Variants in OXNAD1 observed in about 807,000 individuals in gnomAD.
The protein encoded by OXNAD1 is oxidoreductase NAD-binding domain-containing protein 1.
Under a neutral mutation model 32.9 loss-of-function variants are expected in OXNAD1, and 34 were observed. The ratio of observed to expected loss-of-function variants is 1.03; its 90% CI spans 0.79 to 1.38. The LOEUF (loss-of-function observed/expected upper bound fraction) is 1.38. Among genes scored for constraint, OXNAD1 ranks in the 40% most tolerant of loss-of-function variants. The pLI is 0.00. For synonymous variants in OXNAD1, 134 were observed against 135.2 expected (o/e 0.99, Z 0.06); for missense variants, 407 against 379.4 (o/e 1.07, Z -0.60).
downstream of OXNAD1, among the ~76,000 whole-genome samples, chr3:16,351,803 A>C (rs1304439226): frequency 6.6e-6 from 1 of 152,236 alleles, no homozygotes; most frequent in Non-Finnish European, 1.5e-5. This position sits in a 1 kb window ranked among gnomAD's most constrained non-coding sequence, Gnocchi z 5.4. Flanking sequence ...CCTTGAATAG[A>C]CTCAGCAAAG....
In OXNAD1 at chr3:16,287,160, C is replaced by G. The variant is rs1036057427; in HGVS notation, c.290+712C>G. On this transcript the variant is annotated intron_variant, in intron 5 of 8. Coordinates refer to ENST00000285083, the MANE Select transcript of OXNAD1 (RefSeq NM_138381.5). The surrounding 1 kb of genome is among the most constrained non-coding windows in gnomAD (Gnocchi z 4.8). ...ATTGTAAGGAAAGCAACTTGAATTT[C>G]CCTAGGAAAGGTGTGTTTGGGTGTG... is the stretch of plus-strand genomic sequence containing the variant. Among the ~76,000 whole-genome samples, 4 of 152,144 alleles carry G rather than the reference C, an allele frequency of 2.6e-5. No homozygotes were observed. Among genetic ancestry groups the G allele is most frequent in the African/African-American group, 9.7e-5 (4 of 41,420 alleles).
At chr3:16,286,210 T>A in intron 4 of OXNAD1, 132 bp from the exon 5 acceptor site, 1 of 675,580 alleles carries the variant, frequency 1.5e-6, no homozygotes, top group South Asian at 1.9e-5. Context: ...CAAAGTGTGT[T>A]TTACCTTGTT....
intron 9 of OXNAD1, among the ~76,000 whole-genome samples, chr3:16,311,399 C>A (rs1466880526): frequency 2.6e-5 from 4 of 152,070 alleles, no homozygotes; most frequent in African/African-American, 9.7e-5. Flanking sequence ...ACCATGTTGG[C>A]CAGGCTGGTC....
rs1039212939 is a variant in OXNAD1 at position 16,290,165 on chromosome 3, G to A, written c.290+3717G>A. ...GGATGTGGACATCCACTGCTTCACC[G>A]CGCACCTAGGCTCCTTCTGCATACA... On this transcript the variant is annotated intron_variant, in intron 5 of 8. Coordinates refer to ENST00000285083, the MANE Select transcript of OXNAD1 (RefSeq NM_138381.5). This position sits in a 1 kb window ranked among gnomAD's most constrained non-coding sequence, Gnocchi z 4.2. Among the ~76,000 whole-genome samples, 3 of 152,174 alleles carry A rather than the reference G, an allele frequency of 2.0e-5. No homozygotes were observed. Among genetic ancestry groups the A allele is most frequent in the Non-Finnish European group, 4.4e-5 (3 of 68,024 alleles).
Position 16,290,178 on chromosome 3 carries a change from CCTT to C in OXNAD1, c.290+3733_290+3735del, listed in dbSNP as rs2066335661. On this transcript the variant is annotated intron_variant, in intron 5 of 8. Transcript: ENST00000285083. This position sits in a 1 kb window ranked among gnomAD's most constrained non-coding sequence, Gnocchi z 4.2. ...CACTGCTTCACCGCGCACCTAGGCT[CCTT>C]CTGCATACACTCACTCATTGGGTAT... is the stretch of plus-strand genomic sequence containing the variant. Among the ~76,000 whole-genome samples the C allele has an allele frequency of 1.3e-5, 2 of 152,254 alleles. No individual in the cohort carries two copies. Among genetic ancestry groups the C allele is most frequent in the Admixed American group, 6.5e-5 (1 of 15,296 alleles).
In OXNAD1 at chr3:16,345,822, G is replaced by A. The variant is rs1331576374; in HGVS notation, c.*31-3354G>A. On this transcript the variant is annotated intron_variant, in intron 9 of 9. Coordinates refer to the OXNAD1 transcript ENST00000606098. This position sits in a 1 kb window ranked among gnomAD's most constrained non-coding sequence, Gnocchi z 5.2. The stretch of plus-strand genomic sequence containing the variant: ...TGTGTGTGTGTGTGTGTGTGTGCGC[G>A]CGCGCGTGCGCGCACGCGCACATGT... 1.5e-4 allele frequency among the ~76,000 whole-genome samples: 10 copies of A among 67,892 alleles called. No individual in the cohort carries two copies. Among genetic ancestry groups the A allele is most frequent in the Admixed American group, 8.2e-4 (7 of 8,538 alleles). The allele number at this position is 67,892 out of a possible 152,430, so 44.5% of individuals were successfully genotyped here. A position where few individuals can be genotyped will look rare whatever the true frequency, so the allele number is the denominator to read the frequency against.
In OXNAD1 at chr3:16,271,220, C is replaced by T. The variant is rs570680472; in HGVS notation, c.119+149C>T. On this transcript the variant is annotated intron_variant, in intron 3 of 8. Transcript: ENST00000285083. This position sits in a 1 kb window ranked among gnomAD's most constrained non-coding sequence, Gnocchi z 4.6. ...TCAGGTTGTTAACCGTTTTTTTTGT[C>T]TGAGATGGAGTCTTGCTCCGTCGCC... 208 of 960,738 alleles carry T rather than the reference C, an allele frequency of 2.2e-4. No individual in the cohort carries two copies. The African/African-American group carries it at 3.0e-3, about 14-fold the overall frequency. 59.5% of individuals were successfully genotyped at this position (960,738 alleles called of 1,614,324 possible).
chr3:16,278,640 T>A (rs1419314170), intron 4 of OXNAD1, among the ~76,000 whole-genome samples: 1 of 152,246 alleles, frequency 6.6e-6, no homozygotes, highest in Non-Finnish European at 1.5e-5. Context: ...GACTCAGTCC[T>A]TGAACTCAGA....
At position 16,271,010 on chromosome 3, in the gene OXNAD1, C is replaced by T. The variant is rs2064890083; in HGVS notation, c.58C>T (p.Arg20Cys). The change falls in exon 3 of 9, where the codon CGT (arginine) becomes TGT (cysteine). Residue 20 changes from arginine (R) to cysteine (C), a missense_variant. Arg to Cys is a radical substitution (Grantham distance 180). Coordinates refer to ENST00000285083, the MANE Select transcript of OXNAD1 (RefSeq NM_138381.5). The surrounding 1 kb of genome is among the most constrained non-coding windows in gnomAD (Gnocchi z 4.6). ...GLLRCSVGAI[R>C]IEAASLRLTL... is the part of the protein sequence containing the mutation. ...GTTGCGGTGCTCTGTTGGAGCCATCCGTATTGAGGCTGCGTCACTGAGATT... is the reference window on the plus strand; with the variant it reads ...GTTGCGGTGCTCTGTTGGAGCCATCTGTATTGAGGCTGCGTCACTGAGATT... The T allele has an allele frequency of 3.1e-6, 5 of 1,614,150 alleles. No individual in the cohort carries two copies. The highest frequency in any genetic ancestry group is 1.1e-5 in the South Asian group (1 of 91,086).
At chr3:16,342,011 A>G (rs1277270434), downstream of OXNAD1, among the ~76,000 whole-genome samples, 1 of 152,194 alleles carries the variant, frequency 6.6e-6, no homozygotes, top group East Asian at 1.9e-4. The surrounding 1 kb of genome is among the most constrained non-coding windows in gnomAD (Gnocchi z 4.0). Context: ...ATCTTTAATG[A>G]CCACTTGTCA....
chr3:16,296,064 A>C (rs992553023), intron 6 of OXNAD1, among the ~76,000 whole-genome samples: 1 of 152,206 alleles, frequency 6.6e-6, no homozygotes, highest in Non-Finnish European at 1.5e-5. Flanking sequence ...GAGGGTATGG[A>C]AACACAGTTG....
At position 16,271,299 on chromosome 3, in the gene OXNAD1, A is replaced by AT; in HGVS notation, c.119+230dup. The AT allele has an allele frequency of 1.8e-6, 1 of 566,378 alleles. No homozygotes were observed. Among genetic ancestry groups the AT allele is most frequent in the Non-Finnish European group, 3.1e-6 (1 of 324,812 alleles). 35.1% of individuals were successfully genotyped at this position (566,378 alleles called of 1,614,324 possible). A position where few individuals can be genotyped will look rare whatever the true frequency, so the allele number is the denominator to read the frequency against. On this transcript the variant is annotated intron_variant, in intron 3 of 8. Transcript: ENST00000285083. This position sits in a 1 kb window ranked among gnomAD's most constrained non-coding sequence, Gnocchi z 4.6. ...GCTCACTGCAACCTCCACCTCCTGG[A>AT]TTCAAGTGATTCTCCTGTCTTAGCC...
At position 16,322,818 on chromosome 3, in the gene OXNAD1, TGAG is replaced by T. The variant is rs2069229696; in HGVS notation, c.*31-14291_*31-14289del. Among the ~76,000 whole-genome samples, 1 of 152,110 alleles carries T rather than the reference TGAG, an allele frequency of 6.6e-6. No individual in the cohort carries two copies. Among genetic ancestry groups the T allele is most frequent in the Non-Finnish European group, 1.5e-5 (1 of 68,002 alleles). On this transcript the variant is annotated intron_variant, in intron 9 of 9. Coordinates refer to the OXNAD1 transcript ENST00000435829. The surrounding 1 kb of genome is among the most constrained non-coding windows in gnomAD (Gnocchi z 6.2). Reference sequence around the variant, plus strand: ...GGGGAAAAGGGCCCTGGGGATCTCTTGAGGACAGCCTGGCCTGAGGACTTGCTG... The same window carrying T: ...GGGGAAAAGGGCCCTGGGGATCTCTTGACAGCCTGGCCTGAGGACTTGCTG...
rs766171014 is a variant in OXNAD1 at position 16,335,868 on chromosome 3, G to A, written c.*31-1244G>A. ...AGCCTGGAAACTGGATGGATGGATGGTGAGGTCTCAGGAGGCCACAGGCAG... is the reference window on the plus strand; with the variant it reads ...AGCCTGGAAACTGGATGGATGGATGATGAGGTCTCAGGAGGCCACAGGCAG... On this transcript the variant is annotated intron_variant, in intron 9 of 9. Transcript: ENST00000435829. The surrounding 1 kb of genome is among the most constrained non-coding windows in gnomAD (Gnocchi z 4.7). Among the ~76,000 whole-genome samples, 4 of 152,174 alleles carry A rather than the reference G, an allele frequency of 2.6e-5. No homozygotes were observed. Among genetic ancestry groups the A allele is most frequent in the Non-Finnish European group, 5.9e-5 (4 of 68,038 alleles).
Position 16,271,763 on chromosome 3 carries a change from C to A in OXNAD1, c.183+41C>A. 1 of 1,544,752 alleles carries A rather than the reference C, an allele frequency of 6.5e-7. No individual in the cohort carries two copies. The highest frequency in any genetic ancestry group is 8.8e-7 in the Non-Finnish European group (1 of 1,133,260). On this transcript the variant is annotated intron_variant, in intron 4 of 8. Coordinates refer to ENST00000285083, the MANE Select transcript of OXNAD1 (RefSeq NM_138381.5). The surrounding 1 kb of genome is among the most constrained non-coding windows in gnomAD (Gnocchi z 4.6). ...GTATGACAGGTTTTTCCAGCTAGACCGTTTACATGTGGTTATGACTGGCTT... is the reference window on the plus strand; with the variant it reads ...GTATGACAGGTTTTTCCAGCTAGACAGTTTACATGTGGTTATGACTGGCTT...
Position 16,302,730 on chromosome 3 carries a change from C to G in OXNAD1, c.766C>G (p.Leu256Val). The G allele has an allele frequency of 6.2e-7, 1 of 1,611,728 alleles. No homozygotes were observed. Among genetic ancestry groups the G allele is most frequent in the South Asian group, 1.1e-5 (1 of 90,972 alleles). ...TKQTTQINAE[L>V]KPYITEGRIT... ...ACAGACTACACAAATCAATGCGGAA[C>G]TCAAGCCATACATCACGGGTGAGTC... is the stretch of plus-strand genomic sequence containing the variant. Residue 256 changes from leucine (L) to valine (V), a missense_variant, in exon 8 of 9, where the codon CTC (leucine) becomes GTC (valine). Leu to Val is a conservative substitution (Grantham distance 32). Transcript: ENST00000285083. This position sits in a 1 kb window ranked among gnomAD's most constrained non-coding sequence, Gnocchi z 4.2.
chr3:16,309,327 G>C (rs186785199), downstream of OXNAD1, among the ~76,000 whole-genome samples: 1 of 152,208 alleles, frequency 6.6e-6, no homozygotes, highest in Non-Finnish European at 1.5e-5. Flanking sequence ...ATAAAAAATT[G>C]ACTAGTATTA....
chr3:16,290,308 T>A lies in OXNAD1; in HGVS notation c.290+3860T>A, dbSNP rs2066346236. Among the ~76,000 whole-genome samples, 2 of 152,258 alleles carry A rather than the reference T, an allele frequency of 1.3e-5. No individual in the cohort carries two copies. Among genetic ancestry groups the A allele is most frequent in the Non-Finnish European group, 2.9e-5 (2 of 68,042 alleles). On this transcript the variant is annotated intron_variant, in intron 5 of 8. Transcript: ENST00000285083. This position sits in a 1 kb window ranked among gnomAD's most constrained non-coding sequence, Gnocchi z 4.2. ...ATAATTCTTTCTTGGACAGATGTTT[T>A]ATGAAATATGTATTGTGCATATTTT... is the stretch of plus-strand genomic sequence containing the variant.
In OXNAD1 at chr3:16,298,579, T is replaced by G. The variant is rs2066964389; in HGVS notation, c.433-3047T>G. Among the ~76,000 whole-genome samples the G allele has an allele frequency of 6.6e-6, 1 of 152,184 alleles. No individual in the cohort carries two copies. Among genetic ancestry groups the G allele is most frequent in the Non-Finnish European group, 1.5e-5 (1 of 68,038 alleles). Reference sequence around the variant, plus strand: ...TCTTGGAATCATTTTCAGGTGGCTATTTTCCTCCTGAGGATTTGTCTTATT... The same window carrying G: ...TCTTGGAATCATTTTCAGGTGGCTAGTTTCCTCCTGAGGATTTGTCTTATT... On this transcript the variant is annotated intron_variant, in intron 6 of 8. Transcript: ENST00000285083. The surrounding 1 kb of genome is among the most constrained non-coding windows in gnomAD (Gnocchi z 5.1).
Sources: gnomAD v4.1 joint callset for allele counts (sites outside exome capture counted in the v4.1 genomes callset) on GRCh38, gnomAD v4.1.1 for gene constraint, Gnocchi (gnomAD v3.1) non-coding constraint, MANE v1.5 for transcripts, NCBI Gene and HGNC (gene_info 2026-07-23, HGNC 2026-07-21) for gene names.